ADAMTSL3: variants seen among roughly 807,000 people sequenced by gnomAD.
ADAMTSL3 encodes the protein ADAMTS like 3.
Under a neutral mutation model 201.7 loss-of-function variants are expected in ADAMTSL3, and 128 were observed. The ratio of observed to expected loss-of-function variants is 0.63; its 90% CI spans 0.55 to 0.73. The LOEUF (loss-of-function observed/expected upper bound fraction) is 0.73, where lower values mean the gene tolerates loss of function less well. Ranked by LOEUF, ADAMTSL3 falls within the 30% of genes least tolerant of loss-of-function variation. The pLI, the probability that ADAMTSL3 is intolerant of heterozygous loss-of-function variation, is 0.00. For synonymous variants in ADAMTSL3, 738 were observed against 748.4 expected (o/e 0.99, Z 0.23); for missense variants, 1,990 against 2,119.6 (o/e 0.94, Z 1.20).
At chr15:83,827,573 T>C (rs1327074410) in intron 6 of ADAMTSL3, among the ~76,000 whole-genome samples, 2 of 152,232 alleles carry the variant, frequency 1.3e-5, no homozygotes, top group Non-Finnish European at 2.9e-5. Context: ...GTTTTGGACA[T>C]GAAGTCCTTA....
At chr15:84,002,936 C>CTTTTTTTTTTTTTTTTTTTTTTT (rs368176543) in intron 23 of ADAMTSL3, among the ~76,000 whole-genome samples, 2 of 99,986 alleles carry the variant, frequency 2.0e-5, no homozygotes, top group Non-Finnish European at 3.7e-5. Flanking sequence ...CTTTTCTTTT[C>CTTTTTTTTTTTTTTTTTTTTTTT]TTTTTTTTTT....
At chr15:83,744,356 C>T (rs1192728652) in intron 3 of ADAMTSL3, among the ~76,000 whole-genome samples, 1 of 152,094 alleles carries the variant, frequency 6.6e-6, no homozygotes, top group Non-Finnish European at 1.5e-5. Context: ...TTTTCTCATT[C>T]TCACTCTGTG....
At chr15:83,859,190 C>T (rs1410967485) in intron 8 of ADAMTSL3, among the ~76,000 whole-genome samples, 6 of 152,216 alleles carry the variant, frequency 3.9e-5, no homozygotes, top group Non-Finnish European at 8.8e-5. Flanking sequence ...GGAGGCTACG[C>T]ACTGGTTTGA....
At chr15:83,786,276 T>C (rs1445676210) in intron 4 of ADAMTSL3, among the ~76,000 whole-genome samples, 1 of 152,164 alleles carries the variant, frequency 6.6e-6, no homozygotes, top group Admixed American at 6.5e-5. Flanking sequence ...CACGCCTGGT[T>C]TGAACTTTTT....
chr15:83,835,233 C>CA (rs58071247), intron 6 of ADAMTSL3, among the ~76,000 whole-genome samples: 85,279 of 112,270 alleles, frequency 0.76, 31,563 homozygotes, highest in East Asian at 0.98. Context: ...GACTCTGTCT[C>CA]AAAAAAAAAA....
intron 3 of ADAMTSL3, among the ~76,000 whole-genome samples, chr15:83,711,082 CT>C (rs1343003272): frequency 6.6e-6 from 1 of 151,910 alleles, no homozygotes; most frequent in Admixed American, 6.6e-5. Flanking sequence ...TTTTAAATGC[CT>C]TTTTTCTTAT....
At chr15:83,667,899 G>T (rs2061270996) in intron 2 of ADAMTSL3, among the ~76,000 whole-genome samples, 1 of 152,120 alleles carries the variant, frequency 6.6e-6, no homozygotes, top group Admixed American at 6.5e-5. Flanking sequence ...GAGACTGTAG[G>T]TTAGGGGCTC....
chr15:83,660,641 G>A (rs887216396), intron 2 of ADAMTSL3, among the ~76,000 whole-genome samples: 8 of 152,132 alleles, frequency 5.3e-5, no homozygotes, highest in East Asian at 1.9e-4. Context: ...TTGTGAAATC[G>A]CCTTTTCCCA....
At chr15:83,821,016 G>A (rs1284395198) in intron 6 of ADAMTSL3, among the ~76,000 whole-genome samples, 1 of 152,068 alleles carries the variant, frequency 6.6e-6, no homozygotes, top group Non-Finnish European at 1.5e-5. Flanking sequence ...GGAGATTGCA[G>A]TGAGCCAAGA....
intron 2 of ADAMTSL3, among the ~76,000 whole-genome samples, chr15:83,674,785 A>ATG (rs2061379561): frequency 6.9e-6 from 1 of 144,992 alleles, no homozygotes; most frequent in African/African-American, 2.5e-5. Context: ...ATATATATAT[A>ATG]TATAAATCTT....
intron 5 of ADAMTSL3, among the ~76,000 whole-genome samples, chr15:83,815,861 T>G (rs2063763178): frequency 1.3e-5 from 2 of 152,192 alleles, no homozygotes; most frequent in Admixed American, 1.3e-4. Context: ...AGGGTAATAA[T>G]CCTGACCTAC....
chr15:84,021,734 C>A, intron 26 of ADAMTSL3, 141 bp downstream of exon 26: 2 of 892,634 alleles, frequency 2.2e-6, no homozygotes, highest in Non-Finnish European at 3.3e-6. Flanking sequence ...AAGTGCTTTA[C>A]ATGGATCACA....
At chr15:84,035,597 A>G (rs17299684) in intron 28 of ADAMTSL3, among the ~76,000 whole-genome samples, 18,099 of 152,260 alleles carry the variant, frequency 0.12, 1,269 homozygotes, top group Non-Finnish European at 0.16. Flanking sequence ...CTACTGGCTA[A>G]TGATAGGATT....
Position 83,773,598 on chromosome 15 carries a change from C to T in ADAMTSL3, c.265C>T (p.Arg89Trp), listed in dbSNP as rs866129929. 6.2e-6 allele frequency: 10 copies of T among 1,613,344 alleles called. No individual in the cohort carries two copies. Among genetic ancestry groups the T allele is most frequent in the African/African-American group, 4.0e-5 (3 of 74,828 alleles). The change falls in exon 4 of 30, where the codon CGG (arginine) becomes TGG (tryptophan). Residue 89 changes from arginine to tryptophan, a missense_variant. Arg to Trp is a moderately radical substitution (Grantham distance 101). Coordinates refer to ENST00000286744, the MANE Select transcript of ADAMTSL3 (RefSeq NM_207517.3). ...DAWGDWSDCSRTCGGGASYSL... is the reference protein window; with the variant it reads ...DAWGDWSDCSWTCGGGASYSL... ...TTGGGGCGACTGGAGTGACTGCTCC[C>T]GGACCTGTGGGGGAGGAGCATCATA...
chr15:83,823,173 G>C, intron 6 of ADAMTSL3, among the ~76,000 whole-genome samples: 1 of 143,832 alleles, frequency 7.0e-6, no homozygotes, highest in Non-Finnish European at 1.5e-5. Context: ...CTTGGCATCA[G>C]AGGGAGACCG....
At chr15:83,785,863 T>G (rs1263111520) in intron 4 of ADAMTSL3, among the ~76,000 whole-genome samples, 3 of 152,078 alleles carry the variant, frequency 2.0e-5, no homozygotes, top group Non-Finnish European at 4.4e-5. Flanking sequence ...TTTCTTTTTT[T>G]GAGACAGTCT....
chr15:83,871,375 A>G (rs1451272524), intron 9 of ADAMTSL3, among the ~76,000 whole-genome samples: 1 of 152,152 alleles, frequency 6.6e-6, no homozygotes, highest in Admixed American at 6.6e-5. Flanking sequence ...AGTTTTAGAT[A>G]GAGTTTGGTG....
At chr15:83,904,844 C>T (rs963799462) in intron 15 of ADAMTSL3, among the ~76,000 whole-genome samples, 2 of 152,194 alleles carry the variant, frequency 1.3e-5, no homozygotes, top group African/African-American at 4.8e-5. Flanking sequence ...TGTATGTTTC[C>T]TTCACTGCTG....
At chr15:83,767,320 A>G (rs527990698) in intron 3 of ADAMTSL3, among the ~76,000 whole-genome samples, 5 of 152,230 alleles carry the variant, frequency 3.3e-5, no homozygotes, top group Non-Finnish European at 7.3e-5. Context: ...GTCTTCTTCC[A>G]TGCTCTGCCT....
Sources: allele counts gnomAD v4.1 joint callset (sites outside exome capture counted in the v4.1 genomes callset), GRCh38; gene constraint gnomAD v4.1.1; transcripts MANE v1.5; gene names NCBI Gene and HGNC (gene_info 2026-07-23, HGNC 2026-07-21).